Variants in NLK observed in about 807,000 individuals in gnomAD.
NLK encodes the protein nemo like kinase, also known as serine/threonine-protein kinase NLK.
NLK carries 11 observed loss-of-function variants against 59.0 expected under a neutral mutation model. That is an observed-to-expected ratio of 0.19 (90% CI 0.12 to 0.31). The LOEUF is 0.31. Ranked by LOEUF, NLK falls within the 10% of genes least tolerant of loss-of-function variation. The probability of loss-of-function intolerance (pLI) is 1.00; values close to 1 mark genes in which losing one functional copy is unlikely to be tolerated. For synonymous variants in NLK, 235 were observed against 235.9 expected (o/e 1.00, Z 0.03); for missense variants, 410 against 661.1 (o/e 0.62, Z 4.16).
At chr17:28,119,893 C>G (rs1209159219) in intron 1 of NLK, among the ~76,000 whole-genome samples, 1 of 152,120 alleles carries the variant, frequency 6.6e-6, no homozygotes, top group Non-Finnish European at 1.5e-5. Flanking sequence ...TAATCTGAAT[C>G]TAGTTATGAG....
chr17:28,192,410 T>A (rs1909337745), intron 10 of NLK, among the ~76,000 whole-genome samples, 197 bp downstream of exon 10: 1 of 152,238 alleles, frequency 6.6e-6, no homozygotes, highest in South Asian at 2.1e-4. Flanking sequence ...AGCTCATGCC[T>A]GTAATCCCAG....
intron 3 of NLK, among the ~76,000 whole-genome samples, chr17:28,146,168 T>C (rs1907239267): frequency 6.6e-6 from 1 of 152,192 alleles, no homozygotes; most frequent in Non-Finnish European, 1.5e-5. Context: ...CCTGATTTTT[T>C]TTCCTCCACT....
intron 1 of NLK, among the ~76,000 whole-genome samples, chr17:28,092,874 C>T (rs1305233152): frequency 1.3e-5 from 2 of 151,904 alleles, no homozygotes; most frequent in East Asian, 3.9e-4. Context: ...TGGCTCACTG[C>T]AACATCCGCC....
At chr17:28,082,990 G>A (rs1205057370) in intron 1 of NLK, among the ~76,000 whole-genome samples, 4 of 152,148 alleles carry the variant, frequency 2.6e-5, no homozygotes, top group Admixed American at 2.6e-4. Context: ...TGTATGCAGA[G>A]GACTGTCTAT....
intron 3 of NLK, among the ~76,000 whole-genome samples, chr17:28,156,250 A>G (rs993580509): frequency 2.0e-5 from 3 of 152,112 alleles, no homozygotes; most frequent in South Asian, 4.1e-4. Context: ...CATTTCCTCT[A>G]TTCTTTTTTA....
At chr17:28,181,235 T>G (rs1449357825) in intron 7 of NLK, among the ~76,000 whole-genome samples, 2 of 151,690 alleles carry the variant, frequency 1.3e-5, no homozygotes, top group African/African-American at 4.8e-5. Context: ...CCCGCTCCAC[T>G]AAAAATACAA....
intron 3 of NLK, among the ~76,000 whole-genome samples, chr17:28,145,127 A>G (rs1907192168): frequency 6.6e-6 from 1 of 152,218 alleles, no homozygotes; most frequent in Non-Finnish European, 1.5e-5. Context: ...AGAGGTGGCA[A>G]GAGAACCAGA....
intron 1 of NLK, among the ~76,000 whole-genome samples, chr17:28,050,622 A>T (rs943776466): frequency 3.3e-5 from 5 of 151,544 alleles, no homozygotes; most frequent in Admixed American, 3.3e-4. Context: ...TTTTTTTTGG[A>T]TATGTAAAAT....
At chr17:28,131,586 T>TAAAAAAAAA (rs35804817) in intron 2 of NLK, among the ~76,000 whole-genome samples, 1 of 83,730 alleles carries the variant, frequency 1.2e-5, no homozygotes, top group African/African-American at 4.7e-5. Flanking sequence ...TTCTCTGTAG[T>TAAAAAAAAA]AAAAAAAAAA....
intron 2 of NLK, 130 bp downstream of exon 2, chr17:28,122,862 T>C: frequency 2.1e-6 from 2 of 945,296 alleles, no homozygotes; most frequent in Non-Finnish European, 3.2e-6. Context: ...TTATGCCAAA[T>C]GTGAAAAGAA....
rs1597700155 is a variant in NLK, at chr17:28,132,608, T to C, written c.589-12T>C. 1.3e-6 allele frequency: 2 copies of C among 1,599,624 alleles called. No homozygotes were observed. The highest frequency in any genetic ancestry group is 1.7e-6 in the Non-Finnish European group (2 of 1,172,162). ...TGTTCTCTAAATTTGACTTTTTTTT[T>C]CCTTTTCTCAGGTACTCTCTGCCCT... is the stretch of plus-strand genomic sequence containing the variant. On this transcript the variant is annotated splice_polypyrimidine_tract_variant and intron_variant, in intron 2 of 10. Coordinates refer to ENST00000407008, the MANE Select transcript of NLK (RefSeq NM_016231.5).
chr17:28,081,977 T>C (rs1910362305), intron 1 of NLK, among the ~76,000 whole-genome samples: 1 of 152,242 alleles, frequency 6.6e-6, no homozygotes, highest in African/African-American at 2.4e-5. Context: ...CACTGTAACC[T>C]CTACCTCCCA....
chr17:28,179,741 G>A (rs1908824025), intron 7 of NLK, among the ~76,000 whole-genome samples: 2 of 151,898 alleles, frequency 1.3e-5, no homozygotes, highest in South Asian at 4.2e-4. Flanking sequence ...CAAAGAGACA[G>A]GATCTCTCTA....
intron 6 of NLK, among the ~76,000 whole-genome samples, chr17:28,171,925 TTAAA>T (rs1487006427): frequency 3.9e-5 from 6 of 152,052 alleles, no homozygotes; most frequent in Admixed American, 3.9e-4. Context: ...ATAGGAACTT[TTAAA>T]TAAATAAGTA....
chr17:28,179,491 G>A (rs570609073), intron 7 of NLK, among the ~76,000 whole-genome samples: 54 of 152,224 alleles, frequency 3.5e-4, no homozygotes, highest in African/African-American at 1.2e-3. Flanking sequence ...AGCACTTTGG[G>A]AGGCCAAGGC....
chr17:28,200,926 CACAAG>C (rs1909612865), downstream of NLK, among the ~76,000 whole-genome samples: 1 of 152,176 alleles, frequency 6.6e-6, no homozygotes, highest in Non-Finnish European at 1.5e-5. Flanking sequence ...GCTCTCTTTC[CACAAG>C]AGGTCTGATG....
intron 1 of NLK, among the ~76,000 whole-genome samples, chr17:28,066,989 A>G (rs1455237324): frequency 6.6e-6 from 1 of 152,122 alleles, no homozygotes; most frequent in Non-Finnish European, 1.5e-5. Context: ...CATATTCCGG[A>G]TATAAATCCT....
chr17:28,110,491 T>G (rs993334500), intron 1 of NLK, among the ~76,000 whole-genome samples: 12 of 151,670 alleles, frequency 7.9e-5, no homozygotes, highest in Non-Finnish European at 1.5e-4. Flanking sequence ...TTTTTGGGTT[T>G]TTTTTTTTTA....
chr17:28,096,766 C>G (rs930497495), intron 1 of NLK, among the ~76,000 whole-genome samples: 4 of 152,068 alleles, frequency 2.6e-5, no homozygotes, highest in Admixed American at 1.3e-4. Flanking sequence ...ATAAATAAGT[C>G]CCTAATAAAA....
Sources: allele counts gnomAD v4.1 joint callset (sites outside exome capture counted in the v4.1 genomes callset), GRCh38; gene constraint gnomAD v4.1.1; transcripts MANE v1.5; gene names NCBI Gene and HGNC (gene_info 2026-07-23, HGNC 2026-07-21).